The following PLS3 variants were observed in gnomAD, a reference collection of about 807,000 sequenced individuals.
PLS3 encodes the protein plastin 3, also known as plastin-3.
In PLS3, 11 loss-of-function variants were observed where a neutral mutation model predicts 46.5. That is an observed-to-expected ratio of 0.24 (90% CI 0.15 to 0.39). The LOEUF (loss-of-function observed/expected upper bound fraction) is 0.39. Among genes scored for constraint, PLS3 ranks in the 10% least tolerant of loss-of-function variants. The probability of loss-of-function intolerance (pLI) is 1.00; values close to 1 mark genes in which losing one functional copy is unlikely to be tolerated. For missense variants in PLS3, 308 were observed against 461.8 expected, an observed-to-expected ratio of 0.67 and a Z score of 3.05; for synonymous variants, 167 against 162.2, an observed-to-expected ratio of 1.03 and a Z score of -0.22.
At position 115,649,654 on chromosome X, in the gene PLS3, T is replaced by C. The variant is rs957488194; in HGVS notation, c.*93T>C. The stretch of plus-strand genomic sequence containing the variant: ...GAAGTGCTTATGGCTTAAGGAACTC[T>C]TGGCCATTCAAAGGACTTTTCATTT... On this transcript the variant is annotated 3_prime_UTR_variant, in exon 16 of 16. Transcript: ENST00000355899. The C allele has an allele frequency of 9.5e-6, 8 of 838,129 alleles. No individual in the cohort carries two copies. Among genetic ancestry groups the C allele is most frequent in the Admixed American group, 2.8e-5 (1 of 36,259 alleles). The allele number at this position is 838,129 out of a possible 1,213,427, so 69.1% of individuals were successfully genotyped here.
chrX:115,636,805 T>C, intron 7 of PLS3, 31 bp from the exon 8 acceptor site: 1 of 1,168,347 alleles, frequency 8.6e-7, no homozygotes, highest in Non-Finnish European at 1.1e-6. Context: ...TGTCATATAA[T>C]AACTGTGGGA....
At chrX:115,596,990 C>CA (rs1556633963) in intron 1 of PLS3, among the ~76,000 whole-genome samples, 2 of 108,734 alleles carry the variant, frequency 1.8e-5, no homozygotes, top group South Asian at 4.2e-4. Context: ...AGTAAAAATA[C>CA]AAAAACTAGC....
chrX:115,642,799 TAC>T (rs1249791493), intron 9 of PLS3, among the ~76,000 whole-genome samples: 1 of 112,083 alleles, frequency 8.9e-6, no homozygotes, highest in Non-Finnish European at 1.9e-5. Flanking sequence ...TAAGTAGGAC[TAC>T]AGTTAATACC....
intron 1 of PLS3, among the ~76,000 whole-genome samples, chrX:115,597,230 A>C (rs935261508): frequency 1.8e-5 from 2 of 111,712 alleles, no homozygotes; most frequent in Non-Finnish European, 3.8e-5. Flanking sequence ...ACAGTGGTAG[A>C]AGAGGGCTAA....
intron 1 of PLS3, among the ~76,000 whole-genome samples, chrX:115,602,405 C>T (rs1459588030): frequency 8.9e-6 from 1 of 111,787 alleles, no homozygotes; most frequent in African/African-American, 3.2e-5. Context: ...GAGACTGGAG[C>T]TTTAGTAATC....
At chrX:115,625,570 A>C (rs1442456327) in intron 3 of PLS3, among the ~76,000 whole-genome samples, 6 of 105,475 alleles carry the variant, frequency 5.7e-5, no homozygotes, top group African/African-American at 2.2e-4. Flanking sequence ...TATAGGTGTT[A>C]GTTGCTGGGG....
At chrX:115,608,115 T>G (rs1286430633) in intron 1 of PLS3, among the ~76,000 whole-genome samples, 1 of 111,833 alleles carries the variant, frequency 8.9e-6, no homozygotes, top group East Asian at 2.8e-4. Context: ...ATTGAGTGCC[T>G]TACTATGTGC....
chrX:115,583,545 C>A (rs781865954), intron 1 of PLS3, among the ~76,000 whole-genome samples: 73 of 112,609 alleles, frequency 6.5e-4, no homozygotes, highest in African/African-American at 2.3e-3. Context: ...ATTTCACATG[C>A]AAATATATCT....
intron 1 of PLS3, among the ~76,000 whole-genome samples, chrX:115,581,144 G>T (rs2074277576): frequency 9.0e-6 from 1 of 111,576 alleles, no homozygotes; most frequent in South Asian, 3.7e-4. Flanking sequence ...ATTTTTGAAG[G>T]TTTACTTCTG....
chrX:115,645,110 CT>C lies in PLS3; in HGVS notation c.1262+12del, dbSNP rs781885982. The C allele has an allele frequency of 6.7e-6, 7 of 1,042,390 alleles. No homozygotes were observed. Among genetic ancestry groups the C allele is most frequent in the Non-Finnish European group, 8.0e-6 (6 of 746,912 alleles). The allele number at this position is 1,042,390 out of a possible 1,213,427, so 85.9% of individuals were successfully genotyped here. On this transcript the variant is annotated intron_variant, in intron 11 of 15. Transcript: ENST00000355899. ...AAACCATCTCTATGCGTAAGCCTTC[CT>C]ACTGCTATTGTAAACAGTTACGAAT...
At chrX:115,596,223 C>A (rs2074387189) in intron 1 of PLS3, among the ~76,000 whole-genome samples, 1 of 111,798 alleles carries the variant, frequency 8.9e-6, no homozygotes, top group African/African-American at 3.3e-5. Flanking sequence ...CTATTTTGTT[C>A]ACAGCTTTCT....
intron 1 of PLS3, among the ~76,000 whole-genome samples, chrX:115,603,939 G>GA (rs1475518204): frequency 8.9e-6 from 1 of 111,926 alleles, no homozygotes; most frequent in Admixed American, 9.5e-5. Context: ...TAGTACTCAT[G>GA]AAAAAATTTG....
chrX:115,626,675 T>C (rs2074714157), intron 3 of PLS3, among the ~76,000 whole-genome samples: 1 of 110,980 alleles, frequency 9.0e-6, no homozygotes, highest in Non-Finnish European at 1.9e-5. Context: ...TGAAACAATT[T>C]AGAAAATGAA....
At chrX:115,591,085 G>A (rs1325750461) in intron 1 of PLS3, among the ~76,000 whole-genome samples, 1 of 110,318 alleles carries the variant, frequency 9.1e-6, no homozygotes, top group Non-Finnish European at 1.9e-5. Flanking sequence ...CTTGCAGTGA[G>A]CCACGATCCC....
chrX:115,613,707 T>G (rs1290019575), intron 2 of PLS3, among the ~76,000 whole-genome samples: 1 of 110,501 alleles, frequency 9.0e-6, no homozygotes, highest in East Asian at 2.9e-4. Flanking sequence ...TTTATTTTTA[T>G]TTTTATTTTG....
rs782746971 is a variant in PLS3, at chrX:115,624,266, CATAATTATAATG to C, written c.237+1861_237+1872del. The stretch of plus-strand genomic sequence containing the variant: ...AAAAAAAAAAAAAGCAGACTTGTGT[CATAATTATAATG>C]ATATCGTTCCTGCCGTTTTCTTTTG... On this transcript the variant is annotated intron_variant, in intron 3 of 15. Transcript: ENST00000355899. 3.2e-3 allele frequency: 331 copies of C among 103,484 alleles called. 2 individuals are homozygous for C. Among genetic ancestry groups the C allele is most frequent in the African/African-American group, 0.011 (323 of 28,199 alleles). The allele number at this position is 103,484 out of a possible 1,213,427, so 8.5% of individuals were successfully genotyped here.
chrX:115,603,504 A>G (rs2074463827), intron 1 of PLS3, among the ~76,000 whole-genome samples: 2 of 111,803 alleles, frequency 1.8e-5, no homozygotes, highest in African/African-American at 6.5e-5. Context: ...TAGAGACTCC[A>G]GGAGGTTTTA....
At chrX:115,584,498 TTTTG>T (rs2074296324) in intron 1 of PLS3, among the ~76,000 whole-genome samples, 1 of 112,405 alleles carries the variant, frequency 8.9e-6, no homozygotes, top group Admixed American at 9.5e-5. Flanking sequence ...AAAAATGACA[TTTTG>T]TTTGAAATCT....
chrX:115,648,559 T>G (rs782738708), intron 15 of PLS3, among the ~76,000 whole-genome samples: 2 of 110,943 alleles, frequency 1.8e-5, no homozygotes, highest in East Asian at 5.7e-4. Context: ...CCTATTTTCT[T>G]CTTCACCAAA....
Sources: gnomAD v4.1 joint callset for allele counts (sites outside exome capture counted in the v4.1 genomes callset) on GRCh38, gnomAD v4.1.1 for gene constraint, MANE v1.5 for transcripts, NCBI Gene and HGNC (gene_info 2026-07-23, HGNC 2026-07-21) for gene names.